SPPL3: variants seen among roughly 807,000 people sequenced by gnomAD.
SPPL3 encodes the protein signal peptide peptidase-like 3.
In SPPL3, 5 loss-of-function variants were observed where a neutral mutation model predicts 42.4. That is an observed-to-expected ratio of 0.12 (90% CI 0.06 to 0.25). SPPL3 has a LOEUF of 0.25. Ranked by LOEUF, SPPL3 falls within the 10% of genes least tolerant of loss-of-function variation. The probability of loss-of-function intolerance (pLI) is 1.00; values close to 1 mark genes in which losing one functional copy is unlikely to be tolerated. For missense variants in SPPL3, 235 were observed against 489.0 expected (o/e 0.48, Z 4.90); for synonymous variants, 195 against 181.8 (o/e 1.07, Z -0.58).
chr12:120,875,666 T>C (rs1003564950), intron 1 of SPPL3, among the ~76,000 whole-genome samples: 1 of 151,200 alleles, frequency 6.6e-6, no homozygotes, highest in Admixed American at 6.6e-5. Context: ...CAAAAATACT[T>C]CATGTTTTAA....
At chr12:120,785,381 G>A (rs1044337286) in intron 3 of SPPL3, among the ~76,000 whole-genome samples, 15 of 151,974 alleles carry the variant, frequency 9.9e-5, no homozygotes, top group Non-Finnish European at 1.9e-4. Flanking sequence ...CTTCCCATTA[G>A]AGCTTTAAAA....
chr12:120,871,403 G>A (rs770120997), intron 1 of SPPL3, among the ~76,000 whole-genome samples: 3 of 152,032 alleles, frequency 2.0e-5, no homozygotes, highest in Non-Finnish European at 4.4e-5. Context: ...TGGTATCCAC[G>A]GGGGATTGAT....
chr12:120,834,062 A>G (rs1871527541), intron 1 of SPPL3, among the ~76,000 whole-genome samples: 1 of 152,266 alleles, frequency 6.6e-6, no homozygotes, highest in Admixed American at 6.5e-5. Context: ...TGATGTCCTG[A>G]AATTATAGTA....
chr12:120,816,530 G>A (rs1386704550), intron 1 of SPPL3, among the ~76,000 whole-genome samples: 1 of 151,896 alleles, frequency 6.6e-6, no homozygotes, highest in African/African-American at 2.4e-5. Flanking sequence ...GTTTCTTTTT[G>A]GAGACAGGGT....
chr12:120,888,869 G>GT (rs1439990555), intron 1 of SPPL3, among the ~76,000 whole-genome samples: 1 of 152,134 alleles, frequency 6.6e-6, no homozygotes, highest in Non-Finnish European at 1.5e-5. Flanking sequence ...AGTACAATGG[G>GT]TGCAATCTCA....
chr12:120,852,717 ATTT>A (rs374694634), intron 1 of SPPL3, among the ~76,000 whole-genome samples: 98 of 6,866 alleles, frequency 0.014, 1 homozygote, highest in African/African-American at 0.023. Context: ...TATGAAATAT[ATTT>A]TATATATAAT....
At chr12:120,790,825 A>C (rs1220785230) in intron 3 of SPPL3, among the ~76,000 whole-genome samples, 4 of 113,228 alleles carry the variant, frequency 3.5e-5, no homozygotes, top group African/African-American at 1.3e-4. Flanking sequence ...CTATCTTGGC[A>C]CTTTTTTTTT....
chr12:120,887,931 G>A (rs918731228), intron 1 of SPPL3, among the ~76,000 whole-genome samples: 7 of 152,170 alleles, frequency 4.6e-5, no homozygotes, highest in African/African-American at 1.4e-4. Flanking sequence ...TGGTGCAGCC[G>A]TTTTGGAAAG....
chr12:120,843,524 C>T lies in SPPL3; in HGVS notation c.24-32638G>A, dbSNP rs77808740. The stretch of plus-strand genomic sequence containing the variant: ...AACATCACCATCTACTGGTTTCCTC[C>T]CACCTCACTGGCTGTTCCTGCTCAG... On this transcript the variant is annotated intron_variant, in intron 1 of 10. Transcript: ENST00000353487. Among the ~76,000 whole-genome samples, 1,216 of 152,312 alleles carry T rather than the reference C, an allele frequency of 8.0e-3. 14 individuals are homozygous for T. The highest frequency in any genetic ancestry group is 0.028 in the African/African-American group (1,160 of 41,564).
intron 1 of SPPL3, among the ~76,000 whole-genome samples, chr12:120,839,517 AAAAC>A (rs1413301197): frequency 6.6e-6 from 1 of 151,998 alleles, no homozygotes; most frequent in Non-Finnish European, 1.5e-5. Flanking sequence ...ATAATAAACA[AAAAC>A]AAAAACAAAA....
At chr12:120,835,121 C>T (rs1871566328) in intron 1 of SPPL3, among the ~76,000 whole-genome samples, 2 of 152,192 alleles carry the variant, frequency 1.3e-5, no homozygotes, top group South Asian at 4.1e-4. Flanking sequence ...TCCTGGAAAA[C>T]AGGGACCCTG....
intron 1 of SPPL3, among the ~76,000 whole-genome samples, chr12:120,812,152 T>C (rs1015134666): frequency 1.3e-5 from 2 of 151,822 alleles, no homozygotes; most frequent in African/African-American, 4.8e-5. Context: ...TTTTTTTTTT[T>C]GAGACAGAGT....
intron 1 of SPPL3, among the ~76,000 whole-genome samples, chr12:120,859,807 G>T (rs1315936935): frequency 6.6e-6 from 1 of 152,136 alleles, no homozygotes; most frequent in Admixed American, 6.5e-5. Flanking sequence ...GCTGGGGATG[G>T]TGGTGCGCAC....
At chr12:120,876,624 A>AAAAAAAAAAAG (rs1873100466) in intron 1 of SPPL3, among the ~76,000 whole-genome samples, 6 of 143,778 alleles carry the variant, frequency 4.2e-5, no homozygotes, top group African/African-American at 1.7e-4. Flanking sequence ...CTCAAAAAAA[A>AAAAAAAAAAAG]AAAAAAAAAA....
chr12:120,872,481 T>C (rs1388605027), intron 1 of SPPL3, among the ~76,000 whole-genome samples: 1 of 152,160 alleles, frequency 6.6e-6, no homozygotes, highest in East Asian at 1.9e-4. Flanking sequence ...GACAGAACAC[T>C]GAAACCAAAT....
At chr12:120,798,479 T>C (rs1870181240) in intron 2 of SPPL3, among the ~76,000 whole-genome samples, 1 of 152,216 alleles carries the variant, frequency 6.6e-6, no homozygotes, top group Non-Finnish European at 1.5e-5. Flanking sequence ...TAGTTTCTAG[T>C]ACATGGTTTC....
chr12:120,836,181 G>A (rs1441661963), intron 1 of SPPL3, among the ~76,000 whole-genome samples: 4 of 151,834 alleles, frequency 2.6e-5, no homozygotes, highest in Admixed American at 1.3e-4. Context: ...ACCAAGAAGG[G>A]GAGTCTATTT....
At chr12:120,902,600 T>C (rs1358844707) in intron 1 of SPPL3, among the ~76,000 whole-genome samples, 1 of 152,182 alleles carries the variant, frequency 6.6e-6, no homozygotes, top group Non-Finnish European at 1.5e-5. Flanking sequence ...TACCATGTCG[T>C]ATCAACAAAG....
intron 2 of SPPL3, among the ~76,000 whole-genome samples, chr12:120,795,778 T>C (rs1161452642): frequency 6.6e-6 from 1 of 152,200 alleles, no homozygotes; most frequent in African/African-American, 2.4e-5. Flanking sequence ...AACTTGGCCA[T>C]TATTTCTTCA....
Sources: gnomAD v4.1 joint callset for allele counts (sites outside exome capture counted in the v4.1 genomes callset) on GRCh38, gnomAD v4.1.1 for gene constraint, MANE v1.5 for transcripts, NCBI Gene and HGNC (gene_info 2026-07-23, HGNC 2026-07-21) for gene names.